ROCK2: variants seen among roughly 807,000 people sequenced by gnomAD.
The protein encoded by ROCK2 is rho-associated protein kinase 2.
In ROCK2, 61 loss-of-function variants were observed where a neutral mutation model predicts 195.1. That is an observed-to-expected ratio of 0.31 (90% CI 0.25 to 0.39). The LOEUF (loss-of-function observed/expected upper bound fraction) is 0.39. Among genes scored for constraint, ROCK2 ranks in the 10% least tolerant of loss-of-function variants. ROCK2 has a pLI of 1.00. For synonymous variants in ROCK2, 504 were observed against 545.5 expected, an observed-to-expected ratio of 0.92 and a Z score of 1.06; for missense variants, 1,109 against 1,637.4, an observed-to-expected ratio of 0.68 and a Z score of 5.57.
At chr2:11,277,702 T>C (rs1002735564) in intron 3 of ROCK2, among the ~76,000 whole-genome samples, 3 of 152,236 alleles carry the variant, frequency 2.0e-5, no homozygotes, top group African/African-American at 7.2e-5. Flanking sequence ...CATATATACA[T>C]AGCACAATTT....
chr2:11,281,430 C>T (rs953582171), intron 3 of ROCK2, among the ~76,000 whole-genome samples: 1 of 152,076 alleles, frequency 6.6e-6, no homozygotes, highest in Non-Finnish European at 1.5e-5. Context: ...GGAAGTAAAG[C>T]GTATACAGAT....
Position 11,200,946 on chromosome 2 carries a change from A to G in ROCK2, c.2910+11T>C. On this transcript the variant is annotated intron_variant, in intron 23 of 32. Transcript: ENST00000315872. ...ACTATAATCCAAAAAAGCACCAAGA[A>G]TTTGACTTACAGAAGCAATTGTAGC... 1 of 1,582,808 alleles carries G rather than the reference A, an allele frequency of 6.3e-7. No individual in the cohort carries two copies. The highest frequency in any genetic ancestry group is 1.4e-5 in the African/African-American group (1 of 73,590).
At chr2:11,295,919 T>A (rs943370813) in intron 1 of ROCK2, among the ~76,000 whole-genome samples, 10 of 145,558 alleles carry the variant, frequency 6.9e-5, no homozygotes, top group African/African-American at 2.3e-4. Flanking sequence ...ATCGCGCCAC[T>A]GCACTCCAGC....
chr2:11,295,036 G>A (rs549213540), intron 1 of ROCK2, among the ~76,000 whole-genome samples: 55 of 151,926 alleles, frequency 3.6e-4, no homozygotes, highest in African/African-American at 1.3e-3. Context: ...TGATCCACCC[G>A]CCTTGGCCTC....
At chr2:11,344,985 G>A (rs1669254703), upstream of ROCK2, among the ~76,000 whole-genome samples, 1 of 150,824 alleles carries the variant, frequency 6.6e-6, no homozygotes, top group South Asian at 2.1e-4. The surrounding 1 kb of genome is among the most constrained non-coding windows in gnomAD (Gnocchi z 5.4). Context: ...CGGAACCCCA[G>A]ACGCCGGGCC....
rs1344946658 is a variant in ROCK2, at chr2:11,181,195, T to A, written c.*2242A>T. The A allele has an allele frequency of 4.8e-5, 7 of 146,798 alleles. No individual in the cohort carries two copies. Among genetic ancestry groups the A allele is most frequent in the Non-Finnish European group, 1.1e-4 (7 of 66,636 alleles). 9.1% of individuals were successfully genotyped at this position (146,798 alleles called of 1,614,324 possible). ...AGTTTATTAAAAATATATATATATA[T>A]ATATATATATATATACTCTCCAATT... On this transcript the variant is annotated 3_prime_UTR_variant, in exon 33 of 33. Coordinates refer to ENST00000315872, the MANE Select transcript of ROCK2 (RefSeq NM_004850.5).
At chr2:11,302,986 C>CCT (rs1249792330) in intron 1 of ROCK2, among the ~76,000 whole-genome samples, 1 of 152,156 alleles carries the variant, frequency 6.6e-6, no homozygotes, top group East Asian at 1.9e-4. Flanking sequence ...CCATCACTTT[C>CCT]CTCACAGTCT....
At chr2:11,216,251 A>T in intron 12 of ROCK2, 45 bp from the exon 13 acceptor site, 1 of 1,302,410 alleles carries the variant, frequency 7.7e-7, no homozygotes, top group Non-Finnish European at 1.1e-6. Context: ...CTAATTTACA[A>T]TAAAACATAG....
chr2:11,195,716 T>C (rs1007931537), intron 27 of ROCK2, among the ~76,000 whole-genome samples: 4 of 152,170 alleles, frequency 2.6e-5, no homozygotes, highest in African/African-American at 9.7e-5. Flanking sequence ...GGTTTCACCA[T>C]GTTGGCCAGG....
intron 32 of ROCK2, among the ~76,000 whole-genome samples, chr2:11,190,923 T>A (rs1475737207): frequency 2.0e-5 from 3 of 152,328 alleles, no homozygotes; most frequent in African/African-American, 7.2e-5. Context: ...TAGTCAATAA[T>A]CATTAATTTT....
At chr2:11,289,000 T>A (rs1421299184) in intron 1 of ROCK2, among the ~76,000 whole-genome samples, 1 of 152,244 alleles carries the variant, frequency 6.6e-6, no homozygotes, top group East Asian at 1.9e-4. Context: ...TTCATATTTT[T>A]AATTTTCATT....
chr2:11,277,245 AACAG>A (rs1303939383), intron 3 of ROCK2, among the ~76,000 whole-genome samples: 1 of 152,228 alleles, frequency 6.6e-6, no homozygotes, highest in Non-Finnish European at 1.5e-5. Context: ...CCAATATGGT[AACAG>A]ACAGAATAGG....
intron 3 of ROCK2, among the ~76,000 whole-genome samples, chr2:11,269,104 T>C (rs1305071680): frequency 6.6e-6 from 1 of 152,238 alleles, no homozygotes; most frequent in African/African-American, 2.4e-5. Context: ...TTTTGGTTTC[T>C]TTTTAGGTTT....
chr2:11,200,577 T>C (rs913627844), intron 23 of ROCK2, among the ~76,000 whole-genome samples: 2 of 152,222 alleles, frequency 1.3e-5, no homozygotes, highest in Non-Finnish European at 2.9e-5. Flanking sequence ...AGCATTTCAA[T>C]AGGTCTAGTT....
chr2:11,278,570 T>C (rs1666901726), intron 3 of ROCK2, among the ~76,000 whole-genome samples: 1 of 152,214 alleles, frequency 6.6e-6, no homozygotes, highest in South Asian at 2.1e-4. Context: ...TTCCTTTAGA[T>C]ATATACCTAC....
chr2:11,279,015 C>CAA (rs367576908), intron 3 of ROCK2, among the ~76,000 whole-genome samples: 1 of 138,564 alleles, frequency 7.2e-6, no homozygotes, highest in African/African-American at 2.7e-5. Context: ...CTATAAAAAG[C>CAA]AAAAAAAAAA....
chr2:11,252,252 A>C (rs1360160645), intron 3 of ROCK2, among the ~76,000 whole-genome samples: 1 of 152,078 alleles, frequency 6.6e-6, no homozygotes, highest in Non-Finnish European at 1.5e-5. Flanking sequence ...TTCTACCAAA[A>C]ATACAAAAAT....
At chr2:11,339,687 G>T (rs1572430177) in intron 1 of ROCK2, among the ~76,000 whole-genome samples, 1 of 151,504 alleles carries the variant, frequency 6.6e-6, no homozygotes, top group Non-Finnish European at 1.5e-5. Flanking sequence ...AGTCATAAAA[G>T]AATACATAAA....
chr2:11,317,602 A>ATTT (rs1260148475), intron 1 of ROCK2, among the ~76,000 whole-genome samples: 24 of 16,496 alleles, frequency 1.5e-3, no homozygotes, highest in African/African-American at 4.3e-3. Context: ...ATATATATAT[A>ATTT]TATATATATA....
Sources: allele counts gnomAD v4.1 joint callset (sites outside exome capture counted in the v4.1 genomes callset), GRCh38; gene constraint gnomAD v4.1.1; non-coding constraint Gnocchi (gnomAD v3.1); transcripts MANE v1.5; gene names NCBI Gene and HGNC (gene_info 2026-07-23, HGNC 2026-07-21).